Variants in HDLBP observed in about 807,000 individuals in gnomAD.
HDLBP encodes vigilin.
In HDLBP, 30 loss-of-function variants were observed where a neutral mutation model predicts 137.3. That is an observed-to-expected ratio of 0.22 (90% CI 0.16 to 0.30). The LOEUF (loss-of-function observed/expected upper bound fraction) is 0.30. Among genes scored for constraint, HDLBP ranks in the 10% least tolerant of loss-of-function variants. The pLI is 1.00. For synonymous variants in HDLBP, 606 were observed against 596.0 expected (o/e 1.02, Z -0.24); for missense variants, 1,119 against 1,667.3 (o/e 0.67, Z 5.73).
At position 241,272,722 on chromosome 2, in the gene HDLBP, CGCCCGCCCAGGCCT is replaced by C. The variant is rs2074201575; in HGVS notation, c.-102-4195_-102-4182del. The C allele has an allele frequency of 3.7e-6, 2 of 542,180 alleles. No homozygotes were observed. 33.6% of individuals were successfully genotyped at this position (542,180 alleles called of 1,614,324 possible). On this transcript the variant is annotated intron_variant, in intron 1 of 27. Transcript: ENST00000310931. This position sits in a 1 kb window ranked among gnomAD's most constrained non-coding sequence, Gnocchi z 5.6. ...CGGCAGCCCGCCCGCCCCGTCCGCC[CGCCCGCCCAGGCCT>C]CCCAGCCCCGTGTTGCGCGCTCACT...
At chr2:241,264,299 G>A (rs1254418950) in intron 4 of HDLBP, 149 bp downstream of exon 4, 25 of 482,902 alleles carry the variant, frequency 5.2e-5, no homozygotes, top group Admixed American at 1.0e-4. Context: ...GAGGCGGAGC[G>A]TGCAGTGAGC....
chr2:241,273,597 G>C, intron 1 of HDLBP: 1 of 985,344 alleles, frequency 1.0e-6, no homozygotes, highest in Non-Finnish European at 1.2e-6. Flanking sequence ...TATAAAGGGA[G>C]TCGAGCAATC....
At chr2:241,293,739 G>A (rs769513635) in intron 1 of HDLBP, among the ~76,000 whole-genome samples, 4 of 151,678 alleles carry the variant, frequency 2.6e-5, no homozygotes, top group Admixed American at 6.6e-5. Context: ...GGGCAACATA[G>A]CGAAACCTCA....
chr2:241,274,074 T>C (rs906751084), intron 1 of HDLBP, among the ~76,000 whole-genome samples: 27 of 152,158 alleles, frequency 1.8e-4, no homozygotes, highest in Non-Finnish European at 7.3e-5. Flanking sequence ...CACAGGTTCT[T>C]GGCCTGAGTG....
chr2:241,234,443 C>T (rs1469869746), intron 23 of HDLBP, among the ~76,000 whole-genome samples: 4 of 152,210 alleles, frequency 2.6e-5, no homozygotes, highest in African/African-American at 9.6e-5. Flanking sequence ...CCAGAGTCCA[C>T]GCAGGGGTAC....
At chr2:241,242,911 G>A (rs1280007704) in intron 16 of HDLBP, 2 of 555,524 alleles carry the variant, frequency 3.6e-6, no homozygotes, top group Admixed American at 3.1e-5. Flanking sequence ...GCGCTGGGAG[G>A]TGTTTAACTC....
chr2:241,255,400 G>C lies in HDLBP; in HGVS notation c.1054C>G (p.Gln352Glu). Residue 352 changes from glutamine to glutamate, a missense_variant, in exon 8 of 28, where the codon CAG (glutamine) becomes GAG (glutamate). Around this residue, in one of 4 missense-constraint regions of HDLBP, gnomAD observed 425 missense variants for 693.9 expected, o/e 0.61. Transcript: ENST00000310931. ...ILRGEPEKLG[Q>E]ALTEVYAKAN... ...TTGGCATAGACTTCAGTCAACGCCT[G>C]ACCTAACTTTTCAGGTTCGCCTCGA... 6.2e-7 allele frequency: 1 copy of C among 1,614,174 alleles called. No individual in the cohort carries two copies. The highest frequency in any genetic ancestry group is 8.5e-7 in the Non-Finnish European group (1 of 1,180,006).
chr2:241,248,436 G>A (rs1487834080), intron 12 of HDLBP, 88 bp from the exon 13 acceptor site: 4 of 1,071,462 alleles, frequency 3.7e-6, no homozygotes, highest in Non-Finnish European at 5.7e-6. Flanking sequence ...GGAGCCCTGG[G>A]CACAGTCCTT....
chr2:241,250,915 A>T (rs2072090534), intron 11 of HDLBP: 1 of 152,014 alleles, frequency 6.6e-6, no homozygotes, highest in Non-Finnish European at 1.5e-5. Context: ...TACATTCTGC[A>T]ATTTCTCGGG....
At chr2:241,283,487 T>C (rs1044999716) in intron 1 of HDLBP, among the ~76,000 whole-genome samples, 7 of 151,940 alleles carry the variant, frequency 4.6e-5, no homozygotes, top group African/African-American at 1.7e-4. Context: ...TTTTTTTTTT[T>C]TTCTTGAGAC....
Position 241,229,973 on chromosome 2 carries a change from A to T in HDLBP, c.3592-12T>A. On this transcript the variant is annotated splice_polypyrimidine_tract_variant and intron_variant, in intron 26 of 27. Coordinates refer to ENST00000310931, the MANE Select transcript of HDLBP (RefSeq NM_005336.6). The stretch of plus-strand genomic sequence containing the variant: ...ACCACGTCAGCTAGCTGCAGGCAGA[A>T]GACAGGAAGACAGGGTCAGTCTGCC... 6.3e-7 allele frequency: 1 copy of T among 1,587,380 alleles called. No individual in the cohort carries two copies. Among genetic ancestry groups the T allele is most frequent in the Non-Finnish European group, 8.6e-7 (1 of 1,165,798 alleles).
chr2:241,277,821 C>T (rs1307038069), intron 1 of HDLBP, among the ~76,000 whole-genome samples: 3 of 152,002 alleles, frequency 2.0e-5, no homozygotes, highest in Non-Finnish European at 2.9e-5. Flanking sequence ...ATTAGTTGGG[C>T]GTGGTGGTGC....
chr2:241,276,852 C>T (rs1575006080), intron 1 of HDLBP, among the ~76,000 whole-genome samples: 1 of 151,966 alleles, frequency 6.6e-6, no homozygotes, highest in Non-Finnish European at 1.5e-5. Flanking sequence ...GAGACTGACC[C>T]AACTCTCTTG....
At position 241,227,788 on chromosome 2, in the gene HDLBP, G is replaced by C. The variant is rs2069271114; in HGVS notation, c.*1813C>G. On this transcript the variant is annotated 3_prime_UTR_variant, in exon 28 of 28. Coordinates refer to ENST00000310931, the MANE Select transcript of HDLBP (RefSeq NM_005336.6). ...AAGCAGCCAACAGGACAGAGTTCCA[G>C]AACTCATGCAGATGGGGAAGAGGTG... 6.6e-6 allele frequency: 1 copy of C among 152,450 alleles called. No homozygotes were observed. The highest frequency in any genetic ancestry group is 2.4e-5 in the African/African-American group (1 of 41,440). The allele number at this position is 152,450 out of a possible 1,614,324, so 9.4% of individuals were successfully genotyped here. A position where few individuals can be genotyped will look rare whatever the true frequency, so the allele number is the denominator to read the frequency against.
In HDLBP at chr2:241,235,519, C is replaced by T. The variant is rs1227729795; in HGVS notation, c.2980G>A (p.Gly994Arg). The T allele has an allele frequency of 6.2e-7, 1 of 1,614,150 alleles. No homozygotes were observed. Among genetic ancestry groups the T allele is most frequent in the Non-Finnish European group, 8.5e-7 (1 of 1,179,992 alleles). Residue 994 changes from glycine to arginine, a missense_variant, in exon 22 of 28, where the codon GGG becomes AGG. Transcript: ENST00000310931. ...HRYVIGQKGS[G>R]IRKMMDEFEV... Reference sequence around the variant, plus strand: ...AACTCATCCATCATCTTGCGGATCCCACTTCCTTTCTGCCCAATAACGTAA... The same window carrying T: ...AACTCATCCATCATCTTGCGGATCCTACTTCCTTTCTGCCCAATAACGTAA...
At position 241,266,456 on chromosome 2, in the gene HDLBP, T is replaced by C. The variant is rs1389033785; in HGVS notation, c.76+338A>G. The C allele has an allele frequency of 1.4e-5, 4 of 284,806 alleles. No homozygotes were observed. In the Admixed American group the frequency reaches 2.0e-4, roughly 14 times the overall value. The allele number at this position is 284,806 out of a possible 1,614,324, so 17.6% of individuals were successfully genotyped here. ...TCATCCTCAAGGCAGGCTTAAGCAA[T>C]GCTCTGGGATGCTTCAGAGCCCAGA... On this transcript the variant is annotated intron_variant, in intron 3 of 27. Coordinates refer to ENST00000310931, the MANE Select transcript of HDLBP (RefSeq NM_005336.6).
chr2:241,272,577 G>C lies in HDLBP; in HGVS notation c.-102-4036C>G, dbSNP rs1317513378. On this transcript the variant is annotated intron_variant, in intron 1 of 27. Coordinates refer to ENST00000310931, the MANE Select transcript of HDLBP (RefSeq NM_005336.6). This position sits in a 1 kb window ranked among gnomAD's most constrained non-coding sequence, Gnocchi z 5.6. Reference sequence around the variant, plus strand: ...CAGGTCTGGCCCGGAACCGCCACGCGCGGTAAGCAGGACACCCGCGGGCGG... The same window carrying C: ...CAGGTCTGGCCCGGAACCGCCACGCCCGGTAAGCAGGACACCCGCGGGCGG... 1 of 984,042 alleles carries C rather than the reference G, an allele frequency of 1.0e-6. No homozygotes were observed. Among genetic ancestry groups the C allele is most frequent in the Non-Finnish European group, 1.2e-6 (1 of 829,480 alleles). The allele number at this position is 984,042 out of a possible 1,614,324, so 61.0% of individuals were successfully genotyped here.
chr2:241,249,409 G>C (rs1462579177), intron 12 of HDLBP: 1 of 475,270 alleles, frequency 2.1e-6, no homozygotes, highest in Non-Finnish European at 4.3e-6. Context: ...ACGTCGGGGA[G>C]CCCAGAGCAG....
chr2:241,278,177 T>A (rs1330873708), intron 1 of HDLBP, among the ~76,000 whole-genome samples: 1 of 152,128 alleles, frequency 6.6e-6, no homozygotes, highest in Non-Finnish European at 1.5e-5. Flanking sequence ...AAACAAATAT[T>A]ATCACGATGA....
Sources: allele counts gnomAD v4.1 joint callset (sites outside exome capture counted in the v4.1 genomes callset), GRCh38; gene constraint gnomAD v4.1.1; regional missense constraint gnomAD v4.1.1; non-coding constraint Gnocchi (gnomAD v3.1); transcripts MANE v1.5; gene names NCBI Gene and HGNC (gene_info 2026-07-23, HGNC 2026-07-21).